ANKS1B: variants seen among roughly 807,000 people sequenced by gnomAD.
ANKS1B encodes the protein ankyrin repeat and sterile alpha motif domain containing 1B.
ANKS1B carries 36 observed loss-of-function variants against 148.3 expected under a neutral mutation model. That is an observed-to-expected ratio of 0.24 (90% confidence interval 0.19 to 0.32). ANKS1B has a LOEUF of 0.32. Ranked by LOEUF, ANKS1B falls within the 10% of genes least tolerant of loss-of-function variation. The probability of loss-of-function intolerance (pLI) is 1.00; values close to 1 mark genes in which losing one functional copy is unlikely to be tolerated. For missense variants in ANKS1B, 1,157 were observed against 1,542.6 expected (o/e 0.75, Z 4.19); for synonymous variants, 542 against 560.8 (o/e 0.97, Z 0.47).
chr12:99,464,833 G>T (rs2096067509), intron 10 of ANKS1B, among the ~76,000 whole-genome samples: 2 of 152,240 alleles, frequency 1.3e-5, no homozygotes, highest in African/African-American at 4.8e-5. Context: ...ACCTGAAAGT[G>T]ACGGGGAGAA....
At chr12:99,805,449 C>A (rs1002205397) in intron 4 of ANKS1B, among the ~76,000 whole-genome samples, 39 of 151,708 alleles carry the variant, frequency 2.6e-4, no homozygotes, top group African/African-American at 8.7e-4. Flanking sequence ...CAGAGCAAGA[C>A]CTCATCTCTA....
intron 22 of ANKS1B, among the ~76,000 whole-genome samples, chr12:98,785,469 CAAAAAA>C (rs1025009061): frequency 6.7e-6 from 1 of 148,344 alleles, no homozygotes; most frequent in Non-Finnish European, 1.5e-5. Flanking sequence ...GACTCCGTCT[CAAAAAA>C]AAGAAAAAGA....
intron 17 of ANKS1B, among the ~76,000 whole-genome samples, chr12:98,861,114 A>C (rs1054835661): frequency 1.3e-5 from 2 of 152,164 alleles, no homozygotes; most frequent in Admixed American, 1.3e-4. Flanking sequence ...AAGGACCCCA[A>C]ACTTCCATAC....
At chr12:98,840,840 A>C (rs1035132133) in intron 17 of ANKS1B, among the ~76,000 whole-genome samples, 1 of 152,192 alleles carries the variant, frequency 6.6e-6, no homozygotes, top group Non-Finnish European at 1.5e-5. Context: ...CTGCCAGTTA[A>C]GTTTTTATAG....
chr12:99,724,310 A>C (rs1048607368), intron 8 of ANKS1B, among the ~76,000 whole-genome samples: 1 of 152,246 alleles, frequency 6.6e-6, no homozygotes, highest in African/African-American at 2.4e-5. Flanking sequence ...GAGGAACATA[A>C]ATAACCTGAT....
At chr12:99,799,583 G>T (rs993012604) in intron 4 of ANKS1B, among the ~76,000 whole-genome samples, 8 of 152,146 alleles carry the variant, frequency 5.3e-5, no homozygotes, top group Admixed American at 2.0e-4. Context: ...GGCATGAGAA[G>T]TCAGGAGGGG....
At chr12:99,773,807 C>G (rs1321489246) in intron 7 of ANKS1B, among the ~76,000 whole-genome samples, 1 of 152,016 alleles carries the variant, frequency 6.6e-6, no homozygotes, top group Non-Finnish European at 1.5e-5. Flanking sequence ...GGACTTTATT[C>G]TGTTTTATTG....
chr12:99,645,456 C>T (rs908126440), intron 9 of ANKS1B, among the ~76,000 whole-genome samples: 16 of 151,982 alleles, frequency 1.1e-4, no homozygotes, highest in East Asian at 3.9e-4. Flanking sequence ...ATCACAAAAC[C>T]GTAACTATTC....
At chr12:98,875,760 A>G (rs934705082) in intron 17 of ANKS1B, among the ~76,000 whole-genome samples, 2 of 152,142 alleles carry the variant, frequency 1.3e-5, no homozygotes, top group African/African-American at 4.8e-5. Flanking sequence ...ATAATCAGGG[A>G]CTGTGTCTAC....
intron 12 of ANKS1B, among the ~76,000 whole-genome samples, chr12:99,335,388 G>A (rs1298072413): frequency 6.6e-6 from 1 of 151,342 alleles, no homozygotes; most frequent in Non-Finnish European, 1.5e-5. Flanking sequence ...TTACTTTTAA[G>A]TATACAATAA....
chr12:98,957,310 AATATTTATTTATTTATTTATT>A lies in ANKS1B; in HGVS notation c.2778+95826_2778+95846del, dbSNP rs1434293028. Among the ~76,000 whole-genome samples the A allele has an allele frequency of 1.5e-3, 210 of 135,894 alleles. 4 individuals are homozygous for A. The highest frequency in any genetic ancestry group is 5.4e-3 in the African/African-American group (198 of 36,374). 89.2% of individuals were successfully genotyped at this position (135,894 alleles called of 152,430 possible). On this transcript the variant is annotated intron_variant, in intron 17 of 26. Coordinates refer to ENST00000683438, the MANE Select transcript of ANKS1B (RefSeq NM_001352186.2). The stretch of plus-strand genomic sequence containing the variant: ...AGTGGATGCTCCAGGATTTTTTTTA[AATATTTATTTATTTATTTATT>A]TATTTATTTATTTATTTATTTATTT...
In ANKS1B at chr12:99,378,652, C is replaced by CAAA. The variant is rs140892353; in HGVS notation, c.1756+20976_1756+20978dup. On this transcript the variant is annotated intron_variant, in intron 12 of 26. Coordinates refer to ENST00000683438, the MANE Select transcript of ANKS1B (RefSeq NM_001352186.2). Reference sequence around the variant, plus strand: ...CTGGCAACGGAGTGAGACTCCATCTCAAAAAAAAAAAAAAAAAAAAAGAAA... The same window carrying CAAA: ...CTGGCAACGGAGTGAGACTCCATCTCAAAAAAAAAAAAAAAAAAAAAAAAGAAA... 9.9e-5 allele frequency among the ~76,000 whole-genome samples: 9 copies of CAAA among 90,688 alleles called. No individual in the cohort carries two copies. In the East Asian group the frequency reaches 1.2e-3, roughly 12 times the overall value. 59.5% of individuals were successfully genotyped at this position (90,688 alleles called of 152,430 possible).
chr12:99,245,251 T>C (rs933617126), intron 13 of ANKS1B, among the ~76,000 whole-genome samples: 13 of 152,010 alleles, frequency 8.6e-5, no homozygotes, highest in Non-Finnish European at 8.8e-5. Flanking sequence ...AATTATAAGA[T>C]CTAAGTTAAA....
intron 14 of ANKS1B, among the ~76,000 whole-genome samples, chr12:99,225,520 G>A (rs1049111644): frequency 3.9e-5 from 6 of 152,172 alleles, no homozygotes; most frequent in African/African-American, 1.4e-4. Flanking sequence ...AGTAACATTT[G>A]AGTCAGTGGA....
chr12:99,580,770 A>G, intron 9 of ANKS1B, among the ~76,000 whole-genome samples: 1 of 152,216 alleles, frequency 6.6e-6, no homozygotes, highest in East Asian at 1.9e-4. Flanking sequence ...CATAGAAATG[A>G]TCAATATTTG....
At position 99,059,788 on chromosome 12, in the gene ANKS1B, C is replaced by CATATATATATATGTATATATATAT. The variant is rs1555201024; in HGVS notation, c.2626-6480_2626-6479insATATATATATACATATATATATAT. On this transcript the variant is annotated intron_variant, in intron 16 of 26. Transcript: ENST00000683438. ...TAAGCCCAAAGACAAAACTAAAATT[C>CATATATATATATGTATATATATAT]ATATATATATATATATATGATAGGA... Among the ~76,000 whole-genome samples the CATATATATATATGTATATATATAT allele has an allele frequency of 1.1e-4, 10 of 90,320 alleles. 1 individual carries two copies. The highest frequency in any genetic ancestry group is 4.0e-4 in the African/African-American group (9 of 22,266). 59.3% of individuals were successfully genotyped at this position (90,320 alleles called of 152,430 possible).
intron 1 of ANKS1B, among the ~76,000 whole-genome samples, chr12:99,852,188 C>T (rs971249597): frequency 3.3e-5 from 5 of 152,240 alleles, no homozygotes; most frequent in South Asian, 2.1e-4. Context: ...CTTCACCTTA[C>T]GGGTTTTCTC....
intron 9 of ANKS1B, among the ~76,000 whole-genome samples, chr12:99,572,217 TA>T (rs2097463585): frequency 6.6e-6 from 1 of 152,094 alleles, no homozygotes; most frequent in Non-Finnish European, 1.5e-5. Context: ...TCAATATTAA[TA>T]AGTAACCATA....
At chr12:99,437,484 G>T (rs1167308839) in intron 11 of ANKS1B, among the ~76,000 whole-genome samples, 4 of 151,870 alleles carry the variant, frequency 2.6e-5, no homozygotes, top group Admixed American at 6.6e-5. Context: ...TGACTTGTCT[G>T]TGGTATTGTG....
Sources: allele counts gnomAD v4.1 joint callset (sites outside exome capture counted in the v4.1 genomes callset), GRCh38; gene constraint gnomAD v4.1.1; transcripts MANE v1.5; gene names NCBI Gene and HGNC (gene_info 2026-07-23, HGNC 2026-07-21).